MAST4: variants seen among roughly 807,000 people sequenced by gnomAD.
MAST4 encodes microtubule associated serine/threonine kinase family member 4.
Under a neutral mutation model 162.7 loss-of-function variants are expected in MAST4, and 89 were observed. The ratio of observed to expected loss-of-function variants is 0.55; its 90% CI spans 0.46 to 0.65. MAST4 has a LOEUF of 0.65. MAST4 is among the 30% of genes least tolerant of loss of function. The pLI is 0.00. For missense variants in MAST4, 3,153 were observed against 3,374.0 expected, an observed-to-expected ratio of 0.93 and a Z score of 1.62; for synonymous variants, 1,479 against 1,361.1, an observed-to-expected ratio of 1.09 and a Z score of -1.91.
intron 4 of MAST4, among the ~76,000 whole-genome samples, chr5:66,971,830 A>G (rs1210867811): frequency 1.3e-5 from 2 of 152,130 alleles, no homozygotes; most frequent in African/African-American, 2.4e-5. Flanking sequence ...AGAAAAACAC[A>G]TTTCACATCA....
At chr5:67,134,017 G>T (rs1769316108) in intron 17 of MAST4, among the ~76,000 whole-genome samples, 2 of 152,038 alleles carry the variant, frequency 1.3e-5, no homozygotes, top group African/African-American at 4.8e-5. Context: ...CCAAGCCACG[G>T]CCCATTTCCC....
At chr5:67,120,431 A>AT (rs1767438955) in intron 13 of MAST4, among the ~76,000 whole-genome samples, 2 of 152,142 alleles carry the variant, frequency 1.3e-5, no homozygotes, top group South Asian at 2.1e-4. Flanking sequence ...TTTTTAAAGC[A>AT]TTTTTTTCTA....
In MAST4 at chr5:67,095,688, C is replaced by CTTT. The variant is rs751787327; in HGVS notation, c.912+26_912+28dup. On this transcript the variant is annotated intron_variant, in intron 7 of 28. Transcript: ENST00000403625. ...CTCTACGGTCTCTGTAAGTGCCTGA[C>CTTT]TTTTTTTTTTTTTTTCTCTTCCTCA... 198 of 1,308,342 alleles carry CTTT rather than the reference C, an allele frequency of 1.5e-4. No homozygotes were observed. The highest frequency in any genetic ancestry group is 6.2e-4 in the South Asian group (38 of 61,492). The allele number at this position is 1,308,342 out of a possible 1,614,324, so 81.0% of individuals were successfully genotyped here.
Position 67,167,056 on chromosome 5 carries a change from G to T in MAST4, c.*5G>T, listed in dbSNP as rs1162062918. 2 of 1,572,390 alleles carry T rather than the reference G, an allele frequency of 1.3e-6. No homozygotes were observed. The highest frequency in any genetic ancestry group is 1.7e-6 in the Non-Finnish European group (2 of 1,158,890). Reference sequence around the variant, plus strand: ...CCTCACAAAAAGGCCTTGTAACGGGGAGGGCCCAGGGGCAGGACTGTGGAG... The same window carrying T: ...CCTCACAAAAAGGCCTTGTAACGGGTAGGGCCCAGGGGCAGGACTGTGGAG... On this transcript the variant is annotated 3_prime_UTR_variant, in exon 29 of 29. Coordinates refer to ENST00000403625, the MANE Select transcript of MAST4 (RefSeq NM_001164664.2).
Position 67,169,561 on chromosome 5 carries a change from G to A in MAST4, c.*2510G>A, listed in dbSNP as rs1442656027. ...ACAAAATATTTATACTTATGCAGTT[G>A]CATAACATTGAAATAAAAATTTAGC... On this transcript the variant is annotated 3_prime_UTR_variant, in exon 29 of 29. Coordinates refer to ENST00000403625, the MANE Select transcript of MAST4 (RefSeq NM_001164664.2). The A allele has an allele frequency of 6.6e-6, 1 of 152,104 alleles. No homozygotes were observed. The highest frequency in any genetic ancestry group is 1.5e-5 in the Non-Finnish European group (1 of 68,014). 9.4% of individuals were successfully genotyped at this position (152,104 alleles called of 1,614,324 possible).
chr5:66,864,979 C>T (rs766052130), intron 3 of MAST4, among the ~76,000 whole-genome samples: 1 of 65,790 alleles, frequency 1.5e-5, no homozygotes, highest in South Asian at 5.4e-4. Flanking sequence ...TAGGATTTGC[C>T]GAGGCATTAG....
At chr5:67,038,665 T>C (rs920479650) in intron 4 of MAST4, among the ~76,000 whole-genome samples, 1 of 152,186 alleles carries the variant, frequency 6.6e-6, no homozygotes, top group Non-Finnish European at 1.5e-5. Flanking sequence ...ACCACTCATC[T>C]CCCTTCTTAT....
chr5:66,998,907 T>TG (rs1211162615), intron 4 of MAST4, among the ~76,000 whole-genome samples: 7 of 152,312 alleles, frequency 4.6e-5, no homozygotes, highest in African/African-American at 9.6e-5. Context: ...TCATTGGGGA[T>TG]GGGGGGCTCC....
chr5:66,656,205 A>T (rs1025738647), intron 1 of MAST4, among the ~76,000 whole-genome samples: 1 of 152,240 alleles, frequency 6.6e-6, no homozygotes, highest in Non-Finnish European at 1.5e-5. Flanking sequence ...ACTTGTCTTA[A>T]TAATGGACTG....
At chr5:66,791,855 G>A (rs898128529) in intron 3 of MAST4, among the ~76,000 whole-genome samples, 3 of 152,056 alleles carry the variant, frequency 2.0e-5, no homozygotes, top group African/African-American at 7.2e-5. Context: ...TGTATTAAGA[G>A]CAGCAGCCAG....
intron 4 of MAST4, among the ~76,000 whole-genome samples, chr5:66,985,654 A>T (rs747311536): frequency 4.6e-5 from 7 of 152,164 alleles, no homozygotes; most frequent in Admixed American, 1.3e-4. Flanking sequence ...TGAAGTAGGT[A>T]AGATACGAGG....
chr5:66,691,430 T>G (rs904433912), intron 1 of MAST4, among the ~76,000 whole-genome samples: 4 of 152,182 alleles, frequency 2.6e-5, no homozygotes, highest in African/African-American at 9.7e-5. Flanking sequence ...AAAAAACTTT[T>G]CAGAGTAGAT....
rs138727418 is a variant in MAST4 at position 66,835,828 on chromosome 5, C to T, written c.642+47034C>T. Among the ~76,000 whole-genome samples, 828 of 152,206 alleles carry T rather than the reference C, an allele frequency of 5.4e-3. 8 individuals are homozygous for T. Among genetic ancestry groups the T allele is most frequent in the African/African-American group, 0.019 (782 of 41,516 alleles). ...TTTTACAGATGTGGACATGGAGATT[C>T]AGAGTCGTCAAGAAACTTAACACAA... is the stretch of plus-strand genomic sequence containing the variant. On this transcript the variant is annotated intron_variant, in intron 3 of 28. Transcript: ENST00000403625.
chr5:66,868,778 A>G (rs951764590), intron 3 of MAST4, among the ~76,000 whole-genome samples: 2 of 152,170 alleles, frequency 1.3e-5, no homozygotes, highest in East Asian at 3.8e-4. Context: ...TTGAAAATAA[A>G]TTACATAAAA....
At chr5:66,874,592 C>T (rs1027361211) in intron 3 of MAST4, among the ~76,000 whole-genome samples, 2 of 152,172 alleles carry the variant, frequency 1.3e-5, no homozygotes, top group African/African-American at 4.8e-5. Flanking sequence ...TAACAGTCTA[C>T]CCTTCTTTAA....
chr5:66,759,113 T>C (rs1315655581), intron 1 of MAST4, among the ~76,000 whole-genome samples: 3 of 152,206 alleles, frequency 2.0e-5, no homozygotes, highest in Non-Finnish European at 4.4e-5. Context: ...TTTAAAAAGC[T>C]ATAAAGTGAC....
chr5:67,137,041 T>G (rs1227242605), intron 19 of MAST4, among the ~76,000 whole-genome samples: 1 of 152,224 alleles, frequency 6.6e-6, no homozygotes, highest in African/African-American at 2.4e-5. Context: ...TTTGGAACTC[T>G]TTTTGTTTTT....
At chr5:66,840,789 A>G (rs892181736) in intron 3 of MAST4, among the ~76,000 whole-genome samples, 4 of 152,126 alleles carry the variant, frequency 2.6e-5, no homozygotes, top group African/African-American at 9.7e-5. Context: ...TGTGGAGCTG[A>G]CCTACGTGAA....
At chr5:66,719,153 G>A (rs955663588) in intron 1 of MAST4, among the ~76,000 whole-genome samples, 2 of 152,230 alleles carry the variant, frequency 1.3e-5, no homozygotes, top group Non-Finnish European at 2.9e-5. Flanking sequence ...CAGTGGACCA[G>A]TGTGAGGTTG....
Sources: allele counts gnomAD v4.1 joint callset (sites outside exome capture counted in the v4.1 genomes callset), GRCh38; gene constraint gnomAD v4.1.1; transcripts MANE v1.5; gene names NCBI Gene and HGNC (gene_info 2026-07-23, HGNC 2026-07-21).